The following ELMO1 variants were observed in gnomAD, a reference collection of about 807,000 sequenced individuals.
ELMO1 encodes engulfment and cell motility 1, also known as engulfment and cell motility protein 1.
In ELMO1, 26 loss-of-function variants were observed where a neutral mutation model predicts 98.9. That is an observed-to-expected ratio of 0.26 (90% CI 0.19 to 0.36). The LOEUF (loss-of-function observed/expected upper bound fraction) is 0.36, where lower values mean the gene tolerates loss of function less well. Among genes scored for constraint, ELMO1 ranks in the 10% least tolerant of loss-of-function variants. The pLI is 1.00. For synonymous variants in ELMO1, 346 were observed against 346.0 expected (o/e 1.00, Z 0.00); for missense variants, 627 against 935.2 (o/e 0.67, Z 4.30).
Position 36,855,587 on chromosome 7 carries a change from C to A in ELMO1, c.2148G>T (p.Glu716Asp). The change falls in exon 22 of 22, where the codon GAG (glutamate) becomes GAT (aspartate). Residue 716 changes from glutamate to aspartate, a missense_variant. This residue lies in a region of ELMO1 where 492 missense variants were observed against 715.6 expected (regional missense o/e 0.69). Coordinates refer to ENST00000310758, the MANE Select transcript of ELMO1 (RefSeq NM_014800.11). The surrounding 1 kb of genome is among the most constrained non-coding windows in gnomAD (Gnocchi z 4.2). ...CATAGACGAAGTCATAGTTGCTGGG[C>A]TCCTTGGGAATCGGCGGAGGTGCGT... Reference protein sequence around the residue: ...IPDAPPPIPKEPSNYDFVYDC... With the variant: ...IPDAPPPIPKDPSNYDFVYDC... The A allele has an allele frequency of 6.2e-7, 1 of 1,614,118 alleles. No individual in the cohort carries two copies. The highest frequency in any genetic ancestry group is 8.5e-7 in the Non-Finnish European group (1 of 1,180,000).
chr7:37,365,065 G>T (rs1016413577), intron 1 of ELMO1, among the ~76,000 whole-genome samples: 1 of 152,174 alleles, frequency 6.6e-6, no homozygotes, highest in African/African-American at 2.4e-5. Context: ...GAATGGAAAT[G>T]CAACAGCAGT....
At chr7:37,067,362 T>G (rs2129220964) in intron 15 of ELMO1, among the ~76,000 whole-genome samples, 1 of 152,304 alleles carries the variant, frequency 6.6e-6, no homozygotes, top group Admixed American at 6.5e-5. Context: ...TCAGGTCTGT[T>G]GGTCAGCAGG....
At chr7:36,925,369 C>T (rs907931022) in intron 16 of ELMO1, among the ~76,000 whole-genome samples, 6 of 152,232 alleles carry the variant, frequency 3.9e-5, no homozygotes, top group Non-Finnish European at 8.8e-5. Flanking sequence ...ACATAGCTCC[C>T]AGCCCCTCAG....
At chr7:37,060,034 C>T (rs903630603) in intron 15 of ELMO1, among the ~76,000 whole-genome samples, 1 of 152,088 alleles carries the variant, frequency 6.6e-6, no homozygotes, top group African/African-American at 2.4e-5. Flanking sequence ...TGGATTAGGC[C>T]CTTTGTTAGG....
At chr7:37,415,582 A>G (rs760060409) in intron 1 of ELMO1, among the ~76,000 whole-genome samples, 2 of 152,234 alleles carry the variant, frequency 1.3e-5, no homozygotes, top group Non-Finnish European at 2.9e-5. Flanking sequence ...TGATCGTAAT[A>G]ATAATTCATA....
At chr7:36,897,584 T>C (rs1246780955) in intron 16 of ELMO1, among the ~76,000 whole-genome samples, 14 of 152,118 alleles carry the variant, frequency 9.2e-5, no homozygotes, top group Admixed American at 9.2e-4. Context: ...AGAAGGAAGC[T>C]GGATGGAAAT....
intron 6 of ELMO1, among the ~76,000 whole-genome samples, chr7:37,246,706 T>C (rs1795023000): frequency 6.6e-6 from 1 of 152,182 alleles, no homozygotes; most frequent in African/African-American, 2.4e-5. Flanking sequence ...GGCTATCAGA[T>C]TCTAGTCCTG....
intron 14 of ELMO1, among the ~76,000 whole-genome samples, chr7:37,103,111 C>T (rs1784727567): frequency 6.6e-6 from 1 of 152,158 alleles, no homozygotes. Flanking sequence ...TTCCTTAGTG[C>T]CTGAAACACC....
At chr7:37,116,284 A>C (rs1785585215) in intron 14 of ELMO1, among the ~76,000 whole-genome samples, 1 of 152,212 alleles carries the variant, frequency 6.6e-6, no homozygotes, top group Non-Finnish European at 1.5e-5. Flanking sequence ...ATGCACATTT[A>C]AAGGTGGAAG....
At chr7:37,202,649 G>A (rs371279390) in intron 13 of ELMO1, among the ~76,000 whole-genome samples, 3 of 152,308 alleles carry the variant, frequency 2.0e-5, no homozygotes, top group African/African-American at 7.2e-5. Context: ...CTTCCCCTGT[G>A]AATTCCAACA....
In ELMO1 at chr7:36,954,166, C is replaced by T. The variant is rs531691056; in HGVS notation, c.1437+59133G>A. 3.3e-5 allele frequency among the ~76,000 whole-genome samples: 5 copies of T among 152,258 alleles called. No homozygotes were observed. In the East Asian group the frequency reaches 9.6e-4, roughly 29 times the overall value. The stretch of plus-strand genomic sequence containing the variant: ...GACAGCAGACCCCACACAGCAGGAT[C>T]TCACAGAGCCTCAAGCACTTGCTTC... On this transcript the variant is annotated intron_variant, in intron 16 of 21. Transcript: ENST00000310758.
chr7:36,961,037 T>C (rs966212797), intron 16 of ELMO1, among the ~76,000 whole-genome samples: 6 of 152,162 alleles, frequency 3.9e-5, no homozygotes, highest in African/African-American at 1.2e-4. Flanking sequence ...CACGTGTGTC[T>C]GTGTAGTTTT....
chr7:36,983,267 G>A (rs893829600), intron 16 of ELMO1, among the ~76,000 whole-genome samples: 1 of 152,316 alleles, frequency 6.6e-6, no homozygotes, highest in Non-Finnish European at 1.5e-5. Flanking sequence ...ACATAAAGGG[G>A]CAACCAATGG....
At chr7:36,884,059 C>T (rs906789918) in intron 18 of ELMO1, among the ~76,000 whole-genome samples, 8 of 152,130 alleles carry the variant, frequency 5.3e-5, no homozygotes, top group Non-Finnish European at 1.0e-4. Context: ...CAGTGGCTCA[C>T]GCCTGTAATC....
At chr7:37,132,928 A>AG in intron 14 of ELMO1, 1 of 380,706 alleles carries the variant, frequency 2.6e-6, no homozygotes. Context: ...TGTCATCGAA[A>AG]TAAAAAAATT....
At chr7:36,938,669 G>C (rs939457832) in intron 16 of ELMO1, among the ~76,000 whole-genome samples, 2 of 152,110 alleles carry the variant, frequency 1.3e-5, no homozygotes, top group African/African-American at 2.4e-5. Context: ...TAACTAATCA[G>C]CTGCCAACTC....
intron 13 of ELMO1, among the ~76,000 whole-genome samples, chr7:37,203,345 G>A (rs147807609): frequency 3.4e-4 from 52 of 152,266 alleles, no homozygotes; most frequent in Middle Eastern, 6.8e-3. Flanking sequence ...GTGGAGGGTC[G>A]TACCCTGAGG....
chr7:37,107,129 C>T (rs1375445727), intron 14 of ELMO1, among the ~76,000 whole-genome samples: 1 of 152,186 alleles, frequency 6.6e-6, no homozygotes, highest in Non-Finnish European at 1.5e-5. Context: ...TGCTGAGCAA[C>T]TTGCTAGATA....
chr7:37,275,001 G>T (rs1001296739), intron 4 of ELMO1, among the ~76,000 whole-genome samples: 95 of 152,140 alleles, frequency 6.2e-4, no homozygotes, highest in African/African-American at 2.2e-3. Flanking sequence ...CTATGCCCAC[G>T]TTAAAGATAA....
Sources: gnomAD v4.1 joint callset for allele counts (sites outside exome capture counted in the v4.1 genomes callset) on GRCh38, gnomAD v4.1.1 for gene constraint, gnomAD v4.1.1 regional missense constraint, Gnocchi (gnomAD v3.1) non-coding constraint, MANE v1.5 for transcripts, NCBI Gene and HGNC (gene_info 2026-07-23, HGNC 2026-07-21) for gene names.